CCDC124: variants seen among roughly 807,000 people sequenced by gnomAD.
CCDC124 encodes coiled-coil domain containing 124.
CCDC124 carries 9 observed loss-of-function variants against 19.8 expected under a neutral mutation model. That is an observed-to-expected ratio of 0.45 (90% CI 0.27 to 0.79). CCDC124 has a LOEUF of 0.79. Among genes scored for constraint, CCDC124 ranks in the 30% least tolerant of loss-of-function variants. The pLI is 0.14. For synonymous variants in CCDC124, 126 were observed against 131.3 expected, an observed-to-expected ratio of 0.96 and a Z score of 0.27; for missense variants, 285 against 319.0, an observed-to-expected ratio of 0.89 and a Z score of 0.81.
At chr19:17,940,179 C>T (rs1054662281) in intron 2 of CCDC124, among the ~76,000 whole-genome samples, 3 of 152,102 alleles carry the variant, frequency 2.0e-5, no homozygotes, top group African/African-American at 7.2e-5. Flanking sequence ...TCCCAAAGTG[C>T]TGGAATTACA....
At chr19:17,940,311 G>A (rs540909058) in intron 2 of CCDC124, among the ~76,000 whole-genome samples, 10 of 152,102 alleles carry the variant, frequency 6.6e-5, no homozygotes, top group Admixed American at 4.6e-4. Flanking sequence ...GCATGCATCC[G>A]GGACAAGGTA....
chr19:17,940,713 G>C (rs563846414), intron 2 of CCDC124, among the ~76,000 whole-genome samples: 1 of 143,398 alleles, frequency 7.0e-6, no homozygotes, highest in East Asian at 2.1e-4. Context: ...TTGCACCATT[G>C]TACTCCAGCC....
chr19:17,943,054 G>A (rs1032051633), intron 3 of CCDC124, among the ~76,000 whole-genome samples: 1 of 152,158 alleles, frequency 6.6e-6, no homozygotes, highest in Non-Finnish European at 1.5e-5. Flanking sequence ...TTGCAGGGCT[G>A]CCGGAAAGTA....
At chr19:17,938,561 A>T (rs1029097577) in intron 2 of CCDC124, among the ~76,000 whole-genome samples, 2 of 151,720 alleles carry the variant, frequency 1.3e-5, no homozygotes, top group African/African-American at 4.8e-5. Context: ...TCTTGGGGGG[A>T]ATCTGGACAT....
intron 4 of CCDC124, 56 bp from the exon 5 acceptor site, chr19:17,943,452 G>GGCTTTTCGGGGCAGGGCGCAA: frequency 6.3e-7 from 1 of 1,578,914 alleles, no homozygotes; most frequent in Non-Finnish European, 8.6e-7. Context: ...GGCGGGGCCG[G>GGCTTTTCGGGGCAGGGCGCAA]GCTTTTCGGG....
At position 17,943,241 on chromosome 19, in the gene CCDC124, T is replaced by TCGGGGCCCCCCCCC; in HGVS notation, c.350-19_350-18insGGGGCCCCCCCCCC. 1.4e-6 allele frequency: 1 copy of TCGGGGCCCCCCCCC among 736,678 alleles called. No homozygotes were observed. Among genetic ancestry groups the TCGGGGCCCCCCCCC allele is most frequent in the Non-Finnish European group, 2.4e-6 (1 of 414,970 alleles). The allele number at this position is 736,678 out of a possible 1,614,324, so 45.6% of individuals were successfully genotyped here. A position where few individuals can be genotyped will look rare whatever the true frequency, so the allele number is the denominator to read the frequency against. ...CTTTGCTTATCTCTCTCTGTCTCTG[T>TCGGGGCCCCCCCCC]CACCCACCCACCCGCCCAGCCGAGA... On this transcript the variant is annotated intron_variant, in intron 3 of 4. Transcript: ENST00000445755.
Position 17,943,331 on chromosome 19 carries a change from C to A in CCDC124, c.420C>A (p.Gly140=). The A allele has an allele frequency of 7.5e-7, 1 of 1,334,724 alleles. No individual in the cohort carries two copies. 82.7% of individuals were successfully genotyped at this position (1,334,724 alleles called of 1,614,324 possible). ...TGAACCGCCGCGTGCTGGAGGAGGG[C>A]AGCGTGGAGGCGCGCACCATCGAGG... ...ENVNRRVLEE[G]SVEARTIEDA... Residue 140 remains glycine, a synonymous_variant, in exon 4 of 5, where the codon GGC becomes GGA. Coordinates refer to ENST00000445755, the MANE Select transcript of CCDC124 (RefSeq NM_001136203.2).
chr19:17,943,208 C>A, intron 3 of CCDC124, 53 bp from the exon 4 acceptor site: 1 of 1,365,480 alleles, frequency 7.3e-7, no homozygotes, highest in Non-Finnish European at 1.0e-6. Flanking sequence ...CTCCTTGGAA[C>A]TGTGCATCTT....
At chr19:17,941,798 G>A (rs1163188823) in intron 2 of CCDC124, among the ~76,000 whole-genome samples, 1 of 152,146 alleles carries the variant, frequency 6.6e-6, no homozygotes, top group East Asian at 1.9e-4. Flanking sequence ...CAGTGGTAGT[G>A]TCCCAGGGGG....
At chr19:17,938,500 C>T (rs1291236797) in intron 2 of CCDC124, among the ~76,000 whole-genome samples, 1 of 152,198 alleles carries the variant, frequency 6.6e-6, no homozygotes, top group Admixed American at 6.5e-5. Flanking sequence ...GACACTGGCC[C>T]TCTAGGCAAC....
In CCDC124 at chr19:17,942,564, C is replaced by T. The variant is rs2056702828; in HGVS notation, c.160-92C>T. The T allele has an allele frequency of 1.4e-6, 2 of 1,401,444 alleles. No individual in the cohort carries two copies. Among genetic ancestry groups the T allele is most frequent in the Non-Finnish European group, 1.9e-6 (2 of 1,026,996 alleles). The allele number at this position is 1,401,444 out of a possible 1,614,324, so 86.8% of individuals were successfully genotyped here. A position where few individuals can be genotyped will look rare whatever the true frequency, so the allele number is the denominator to read the frequency against. ...CTGCACCCAGCACAGAGCCTAAATC[C>T]TCGTTGGCTGAGATGAAAACTCGAA... is the stretch of plus-strand genomic sequence containing the variant. On this transcript the variant is annotated intron_variant, in intron 2 of 4. Coordinates refer to ENST00000445755, the MANE Select transcript of CCDC124 (RefSeq NM_001136203.2). This position sits in a 1 kb window ranked among gnomAD's most constrained non-coding sequence, Gnocchi z 4.2.
Position 17,936,409 on chromosome 19 carries a change from G to A in CCDC124, c.-11-1G>A, listed in dbSNP as rs766414823. 1 of 1,604,606 alleles carries A rather than the reference G, an allele frequency of 6.2e-7. No individual in the cohort carries two copies. Among genetic ancestry groups the A allele is most frequent in the Non-Finnish European group, 8.5e-7 (1 of 1,173,186 alleles). ...CCCCCATCCCCATCCTCTTCCCGCA[G>A]CCTGCTGAGGGATGCCCAAGAAGTT... On this transcript the variant is annotated splice_acceptor_variant, in intron 1 of 4. Transcript: ENST00000445755. LOFTEE classifies it low-confidence loss of function (5UTR_SPLICE).
intron 2 of CCDC124, among the ~76,000 whole-genome samples, chr19:17,941,104 T>C (rs192138221): frequency 6.7e-6 from 1 of 148,734 alleles, no homozygotes; most frequent in East Asian, 1.9e-4. Context: ...GGCAGTTGGC[T>C]AGTTGGCTAT....
At chr19:17,941,295 G>C (rs2031174529) in intron 2 of CCDC124, among the ~76,000 whole-genome samples, 1 of 151,754 alleles carries the variant, frequency 6.6e-6, no homozygotes. Flanking sequence ...CAGATCACTT[G>C]AGGTCAGGAG....
At position 17,943,643 on chromosome 19, in the gene CCDC124, C is replaced by T. The variant is rs780837327; in HGVS notation, c.600C>T (p.Leu200=). The T allele has an allele frequency of 1.2e-6, 2 of 1,612,912 alleles. No individual in the cohort carries two copies. The highest frequency in any genetic ancestry group is 1.7e-6 in the Non-Finnish European group (2 of 1,179,942). ...GGCTGTCGCAGCTGAAACAGCTGCT[C>T]AAGAAGGAGTGGCTCCGCTCTCCTG... ...NMRLSQLKQL[L]KKEWLRSPDN... is the part of the protein sequence containing the mutation. Residue 200 remains leucine, a synonymous_variant, in exon 5 of 5, where the codon CTC becomes CTT. Coordinates refer to ENST00000445755, the MANE Select transcript of CCDC124 (RefSeq NM_001136203.2).
Position 17,943,385 on chromosome 19 carries a change from C to T in CCDC124, c.464+10C>T, listed in dbSNP as rs768517635. The T allele has an allele frequency of 1.5e-4, 198 of 1,314,088 alleles. No individual in the cohort carries two copies. The highest frequency in any genetic ancestry group is 1.1e-4 in the Non-Finnish European group (106 of 1,005,090). 81.4% of individuals were successfully genotyped at this position (1,314,088 alleles called of 1,614,324 possible). A position where few individuals can be genotyped will look rare whatever the true frequency, so the allele number is the denominator to read the frequency against. The stretch of plus-strand genomic sequence containing the variant: ...CCATTGCAGTGCTCAGGTAACGGGG[C>T]GGGGCCTGGGGCTTTCCCAGGGGTG... On this transcript the variant is annotated intron_variant, in intron 4 of 4. Coordinates refer to ENST00000445755, the MANE Select transcript of CCDC124 (RefSeq NM_001136203.2).
chr19:17,939,922 C>CT (rs368842369), intron 2 of CCDC124, among the ~76,000 whole-genome samples: 6,089 of 117,276 alleles, frequency 0.052, 210 homozygotes, highest in Non-Finnish European at 0.077. Context: ...CGCACCTGGC[C>CT]TTTTTTTTTT....
At chr19:17,936,644 A>G (rs2031072643) in intron 2 of CCDC124, 65 bp downstream of exon 2, 3 of 1,540,056 alleles carry the variant, frequency 1.9e-6, no homozygotes, top group African/African-American at 2.7e-5. Flanking sequence ...TCATTATGTC[A>G]ATGTGGGTGA....
chr19:17,936,717 A>C (rs141587833), intron 2 of CCDC124, 138 bp downstream of exon 2: 9 of 1,071,768 alleles, frequency 8.4e-6, no homozygotes, highest in African/African-American at 8.0e-5. Context: ...GCTGTCGCTC[A>C]CGCCTGTCAT....
Sources: allele counts gnomAD v4.1 joint callset (sites outside exome capture counted in the v4.1 genomes callset), GRCh38; gene constraint gnomAD v4.1.1; non-coding constraint Gnocchi (gnomAD v3.1); transcripts MANE v1.5; gene names NCBI Gene and HGNC (gene_info 2026-07-23, HGNC 2026-07-21).